DDX3X: variants seen among roughly 807,000 people sequenced by gnomAD.
DDX3X encodes the protein DEAD-box helicase 3 X-linked.
In DDX3X, 4 loss-of-function variants were observed where a neutral mutation model predicts 52.7. The ratio of observed to expected loss-of-function variants is 0.08; its 90% CI spans 0.04 to 0.17. The LOEUF (loss-of-function observed/expected upper bound fraction) is 0.17, where lower values mean the gene tolerates loss of function less well. DDX3X is among the 10% of genes least tolerant of loss of function. DDX3X has a pLI of 1.00. For missense variants in DDX3X, 222 were observed against 548.6 expected, an observed-to-expected ratio of 0.40 and a Z score of 5.95; for synonymous variants, 192 against 178.1, an observed-to-expected ratio of 1.08 and a Z score of -0.62.
At position 41,337,451 on chromosome X, in the gene DDX3X, G is replaced by T. The variant is rs2147340549; in HGVS notation, c.89G>T (p.Gly30Val). The T allele has an allele frequency of 1.7e-6, 2 of 1,207,006 alleles. No individual in the cohort carries two copies. The highest frequency in any genetic ancestry group is 2.2e-6 in the Non-Finnish European group (2 of 891,832). The change falls in exon 2 of 17, where the codon GGA becomes GTA. Residue 30 changes from glycine (G) to valine (V), a missense_variant. Transcript: ENST00000644876. ...DLNSSDNQSG[G>V]STASKGRYIP... is the part of the protein sequence containing the mutation. Reference sequence around the variant, plus strand: ...AACTCTTCAGATAATCAGAGTGGAGGAAGTACAGCCAGCAGTAAGTACAAC... The same window carrying T: ...AACTCTTCAGATAATCAGAGTGGAGTAAGTACAGCCAGCAGTAAGTACAAC...
downstream of DDX3X, among the ~76,000 whole-genome samples, chrX:41,353,752 CAG>C (rs1471565173): frequency 2.8e-5 from 3 of 106,349 alleles, no homozygotes; most frequent in African/African-American, 6.9e-5. Context: ...CTGTGGGCAA[CAG>C]AGTGAGGTTC....
At chrX:41,363,510 G>A (rs1167242518) in intron 5 of DDX3X, among the ~76,000 whole-genome samples, 3 of 109,822 alleles carry the variant, frequency 2.7e-5, no homozygotes, top group Admixed American at 9.8e-5. Context: ...CTGGCCGGGC[G>A]CAGTGGCTCA....
chrX:41,359,098 G>T (rs941096737), intron 5 of DDX3X, among the ~76,000 whole-genome samples: 5 of 112,086 alleles, frequency 4.5e-5, no homozygotes, highest in Non-Finnish European at 7.5e-5. Context: ...AACAGAACCC[G>T]TGGTATAAAT....
rs751970956 is a variant in DDX3X, at chrX:41,347,053, A to G, written c.1769+41A>G. 7 of 1,142,178 alleles carry G rather than the reference A, an allele frequency of 6.1e-6. No homozygotes were observed. The East Asian group carries it at 1.5e-4, about 24-fold the overall frequency. 94.1% of individuals were successfully genotyped at this position (1,142,178 alleles called of 1,213,427 possible). A position where few individuals can be genotyped will look rare whatever the true frequency, so the allele number is the denominator to read the frequency against. On this transcript the variant is annotated intron_variant, in intron 15 of 16. Coordinates refer to ENST00000644876, the MANE Select transcript of DDX3X (RefSeq NM_001356.5). ...TATATAATGAGGGGAATGGGTGTTC[A>G]CTTACAGTTCATAGTGTTTCCTCTG... is the stretch of plus-strand genomic sequence containing the variant.
chrX:41,334,051 A>G, upstream of DDX3X: 1 of 435,293 alleles, frequency 2.3e-6, no homozygotes, highest in Non-Finnish European at 4.1e-6. Flanking sequence ...AGCCGGGCAG[A>G]AGTCGCCGCG....
chrX:41,359,207 C>T (rs182982260), intron 5 of DDX3X, among the ~76,000 whole-genome samples: 1 of 112,742 alleles, frequency 8.9e-6, no homozygotes, highest in East Asian at 2.8e-4. Context: ...CTTTTGCCCA[C>T]CACAGGAATG....
chrX:41,346,838 CTT>C lies in DDX3X; in HGVS notation c.1616-16_1616-15del, dbSNP rs1468407363. 8.4e-7 allele frequency: 1 copy of C among 1,183,842 alleles called. No homozygotes were observed. Among genetic ancestry groups the C allele is most frequent in the African/African-American group, 1.8e-5 (1 of 56,164 alleles). On this transcript the variant is annotated intron_variant, in intron 14 of 16. Transcript: ENST00000644876. ...TTTATGGAAGACCTTTGTTTATATA[CTT>C]TTTTGGGAACTCTTTTAGGCCTGGC...
downstream of DDX3X, among the ~76,000 whole-genome samples, chrX:41,354,094 A>C (rs2147369799): frequency 9.0e-6 from 1 of 111,381 alleles, no homozygotes; most frequent in African/African-American, 3.3e-5. Flanking sequence ...ATTCACAGGA[A>C]GTTGCAAAAA....
chrX:41,344,548 C>T (rs2063897241), intron 10 of DDX3X, 149 bp downstream of exon 10: 1 of 641,923 alleles, frequency 1.6e-6, no homozygotes, highest in East Asian at 3.6e-5. Flanking sequence ...AGCGATTCTC[C>T]TGCCTCAGCC....
intron 10 of DDX3X, 82 bp downstream of exon 10, chrX:41,344,481 A>G (rs1210545509): frequency 4.6e-6 from 5 of 1,091,807 alleles, no homozygotes; most frequent in Admixed American, 2.2e-5. Flanking sequence ...CTTGTTGCCC[A>G]GGCTGGAGTG....
In DDX3X at chrX:41,343,407, A is replaced by G. The variant is rs754612891; in HGVS notation, c.679+56A>G. 105 of 1,085,435 alleles carry G rather than the reference A, an allele frequency of 9.7e-5. 1 individual carries two copies. In the South Asian group the frequency reaches 2.2e-3, roughly 23 times the overall value. 89.5% of individuals were successfully genotyped at this position (1,085,435 alleles called of 1,213,427 possible). ...TATTTCTTCTGTAAAGGACTAGACA[A>G]TAAAATATTTTATTTTTTATGGGTC... is the stretch of plus-strand genomic sequence containing the variant. On this transcript the variant is annotated intron_variant, in intron 7 of 16. Coordinates refer to ENST00000644876, the MANE Select transcript of DDX3X (RefSeq NM_001356.5).
At chrX:41,363,883 A>AT (rs918660113) in intron 5 of DDX3X, among the ~76,000 whole-genome samples, 2 of 111,517 alleles carry the variant, frequency 1.8e-5, no homozygotes, top group African/African-American at 6.5e-5. Context: ...ACCGCTCTTC[A>AT]TTTCACCACC....
chrX:41,360,770 C>G (rs1460401753), intron 5 of DDX3X, among the ~76,000 whole-genome samples: 1 of 110,356 alleles, frequency 9.1e-6, no homozygotes, highest in Non-Finnish European at 1.9e-5. Context: ...GCCAAATCTT[C>G]TATTTGTTTC....
intron 1 of DDX3X, chrX:41,334,720 C>T (rs757599611): frequency 2.0e-5 from 20 of 989,245 alleles, no homozygotes; most frequent in Non-Finnish European, 2.5e-5. Flanking sequence ...CCTGGATTCC[C>T]GTCCGGAGGA....
At chrX:41,362,371 G>T (rs771679892) in intron 5 of DDX3X, among the ~76,000 whole-genome samples, 1 of 111,372 alleles carries the variant, frequency 9.0e-6, no homozygotes, top group African/African-American at 3.3e-5. Context: ...TTACAGATGT[G>T]AGCCACAATG....
intron 5 of DDX3X, among the ~76,000 whole-genome samples, chrX:41,362,691 C>T (rs923818514): frequency 5.3e-5 from 6 of 112,236 alleles, no homozygotes; most frequent in Non-Finnish European, 9.4e-5. Context: ...CAAGGAAGCG[C>T]TACAGAAAAG....
Position 41,342,998 on chromosome X carries a change from T to C in DDX3X, c.543+162T>C, listed in dbSNP as rs760827511. On this transcript the variant is annotated intron_variant, in intron 6 of 16. Coordinates refer to ENST00000644876, the MANE Select transcript of DDX3X (RefSeq NM_001356.5). ...AGTGTCACCATTATGAATAATTTAT[T>C]ACCTAAAATAGAAAATGGGTCAAAC... The C allele has an allele frequency of 2.1e-4, 117 of 562,918 alleles. No homozygotes were observed. The South Asian group carries it at 3.6e-3, about 17-fold the overall frequency. 46.4% of individuals were successfully genotyped at this position (562,918 alleles called of 1,213,427 possible).
chrX:41,361,235 G>A (rs1318939488), intron 5 of DDX3X, among the ~76,000 whole-genome samples: 2 of 109,626 alleles, frequency 1.8e-5, no homozygotes, highest in African/African-American at 3.3e-5. Context: ...ACAGTCGGCC[G>A]GGCATGGTGG....
rs1175768430 is a variant in DDX3X, at chrX:41,347,003, G to A, written c.1760G>A (p.Arg587His). 1 of 1,206,658 alleles carries A rather than the reference G, an allele frequency of 8.3e-7. No homozygotes were observed. The highest frequency in any genetic ancestry group is 1.8e-5 in the South Asian group (1 of 56,317). The change falls in exon 15 of 17, where the codon CGT (arginine) becomes CAT (histidine). Residue 587 changes from arginine (R) to histidine (H), a missense_variant. Physicochemically the swap from Arg to His is conservative, Grantham distance 29 (BLOSUM62 0). Transcript: ENST00000644876. ...EHHYKGSSRG[R>H]SKSSRFSGGF... is the part of the protein sequence containing the mutation. ...CACTACAAGGGTAGCAGTCGTGGAC[G>A]TTCTAAGAGGTGAGGTATAAATAGT...
Sources: gnomAD v4.1 joint callset for allele counts (sites outside exome capture counted in the v4.1 genomes callset) on GRCh38, gnomAD v4.1.1 for gene constraint, MANE v1.5 for transcripts, NCBI Gene and HGNC (gene_info 2026-07-23, HGNC 2026-07-21) for gene names.